Variants in MYRIP observed in about 807,000 individuals in gnomAD.
MYRIP encodes myosin VIIA and Rab interacting protein, also known as rab effector MyRIP.
Under a neutral mutation model 98.0 loss-of-function variants are expected in MYRIP, and 49 were observed. That is an observed-to-expected ratio of 0.50 (90% confidence interval 0.40 to 0.63). The LOEUF is 0.63. Ranked by LOEUF, MYRIP falls within the 30% of genes least tolerant of loss-of-function variation. The pLI, the probability that MYRIP is intolerant of heterozygous loss-of-function variation, is 0.00. For missense variants in MYRIP, 1,004 were observed against 1,058.2 expected (o/e 0.95, Z 0.71); for synonymous variants, 404 against 409.5 (o/e 0.99, Z 0.16).
intron 3 of MYRIP, among the ~76,000 whole-genome samples, chr3:40,143,991 T>C (rs1333566821): frequency 6.6e-6 from 1 of 152,064 alleles, no homozygotes; most frequent in Non-Finnish European, 1.5e-5. Context: ...TGCTATAGAG[T>C]TTTGGTATAA....
At chr3:40,194,168 T>C (rs893793121) in intron 10 of MYRIP, among the ~76,000 whole-genome samples, 3 of 152,126 alleles carry the variant, frequency 2.0e-5, no homozygotes, top group African/African-American at 7.2e-5. Context: ...GGATTTTTTT[T>C]CCAATTTCTT....
intron 2 of MYRIP, among the ~76,000 whole-genome samples, chr3:39,999,812 G>A (rs1220067127): frequency 6.6e-6 from 1 of 152,102 alleles, no homozygotes; most frequent in Non-Finnish European, 1.5e-5. Flanking sequence ...TTAAGAAAAT[G>A]TGGGACATAT....
At chr3:39,910,681 A>T (rs1944000052) in intron 2 of MYRIP, among the ~76,000 whole-genome samples, 1 of 152,212 alleles carries the variant, frequency 6.6e-6, no homozygotes, top group African/African-American at 2.4e-5. Context: ...TTACATCTTA[A>T]ATATATTTTT....
chr3:39,889,349 A>G (rs1170365320), intron 1 of MYRIP, among the ~76,000 whole-genome samples: 1 of 152,198 alleles, frequency 6.6e-6, no homozygotes, highest in African/African-American at 2.4e-5. Flanking sequence ...TTATGCAGCC[A>G]TAAAAAATGA....
At chr3:39,904,644 G>A (rs962808892) in intron 2 of MYRIP, among the ~76,000 whole-genome samples, 6 of 152,134 alleles carry the variant, frequency 3.9e-5, no homozygotes, top group Non-Finnish European at 8.8e-5. Flanking sequence ...AGTGGAGAAG[G>A]ACACTGGGGA....
intron 7 of MYRIP, among the ~76,000 whole-genome samples, chr3:40,169,438 C>T (rs1379961931): frequency 6.6e-6 from 1 of 152,178 alleles, no homozygotes; most frequent in Non-Finnish European, 1.5e-5. Context: ...TGCAAACGAG[C>T]TGGATTTGGA....
At chr3:39,826,117 T>TA (rs139256927) in intron 1 of MYRIP, among the ~76,000 whole-genome samples, 12,047 of 151,874 alleles carry the variant, frequency 0.079, 530 homozygotes, top group African/African-American at 0.12. Flanking sequence ...TATATTTTTT[T>TA]AAAAAAACAA....
chr3:40,152,456 T>G (rs1353820116), intron 4 of MYRIP, among the ~76,000 whole-genome samples: 2 of 152,166 alleles, frequency 1.3e-5, no homozygotes, highest in Admixed American at 1.3e-4. Flanking sequence ...TAGAGCAGAA[T>G]TTTTATTTCT....
At chr3:39,988,815 C>G (rs931471371) in intron 2 of MYRIP, among the ~76,000 whole-genome samples, 1 of 151,320 alleles carries the variant, frequency 6.6e-6, no homozygotes, top group Non-Finnish European at 1.5e-5. Context: ...GCTATTGATA[C>G]TTGTGTATGC....
chr3:40,190,782 C>A (rs1951188144), intron 10 of MYRIP, among the ~76,000 whole-genome samples: 1 of 152,184 alleles, frequency 6.6e-6, no homozygotes, highest in African/African-American at 2.4e-5. Context: ...CCAGCCGTGT[C>A]TATTTTAACA....
intron 11 of MYRIP, among the ~76,000 whole-genome samples, chr3:40,228,796 C>T (rs1952563126): frequency 6.6e-6 from 1 of 152,188 alleles, no homozygotes; most frequent in African/African-American, 2.4e-5. Flanking sequence ...CACACACAGC[C>T]AGAAGCTGAC....
intron 1 of MYRIP, among the ~76,000 whole-genome samples, chr3:39,839,941 T>C (rs1286884670): frequency 6.6e-6 from 1 of 152,190 alleles, no homozygotes; most frequent in African/African-American, 2.4e-5. Flanking sequence ...GAAAAATATA[T>C]ATTCTGTTGA....
chr3:39,875,472 G>C (rs1942960113), intron 1 of MYRIP, among the ~76,000 whole-genome samples: 1 of 151,546 alleles, frequency 6.6e-6, no homozygotes, highest in Admixed American at 6.6e-5. Context: ...TCTCTTGTGG[G>C]CATTTAGTGC....
chr3:39,871,178 T>G (rs938573861), intron 1 of MYRIP, among the ~76,000 whole-genome samples: 1 of 152,156 alleles, frequency 6.6e-6, no homozygotes, highest in African/African-American at 2.4e-5. Flanking sequence ...CAGATTGTAT[T>G]TAGAAAACCC....
At chr3:40,250,183 A>G in intron 13 of MYRIP, 39 bp from the exon 14 acceptor site, 3 of 1,516,752 alleles carry the variant, frequency 2.0e-6, no homozygotes, top group Non-Finnish European at 2.7e-6. Flanking sequence ...CCCCTTCCGT[A>G]TTTTCTCCCT....
At chr3:39,968,105 T>G (rs1158690387) in intron 2 of MYRIP, among the ~76,000 whole-genome samples, 1 of 152,228 alleles carries the variant, frequency 6.6e-6, no homozygotes, top group African/African-American at 2.4e-5. Context: ...TTTTTGCTTC[T>G]GCTGCAATTT....
At chr3:39,903,777 C>T (rs1943806506) in intron 2 of MYRIP, among the ~76,000 whole-genome samples, 1 of 152,232 alleles carries the variant, frequency 6.6e-6, no homozygotes, top group African/African-American at 2.4e-5. Flanking sequence ...CAGAATCACA[C>T]AGTTAATTGG....
At chr3:39,854,665 G>A (rs1291245291) in intron 1 of MYRIP, among the ~76,000 whole-genome samples, 1 of 152,100 alleles carries the variant, frequency 6.6e-6, no homozygotes, top group African/African-American at 2.4e-5. Flanking sequence ...TTCTTGGTTT[G>A]GATCCATTGC....
At chr3:40,121,782 T>C (rs972324956) in intron 3 of MYRIP, among the ~76,000 whole-genome samples, 1 of 152,146 alleles carries the variant, frequency 6.6e-6, no homozygotes, top group African/African-American at 2.4e-5. Context: ...AAAATAAAGA[T>C]TGATGCAAAA....
Sources: gnomAD v4.1 joint callset for allele counts (sites outside exome capture counted in the v4.1 genomes callset) on GRCh38, gnomAD v4.1.1 for gene constraint, MANE v1.5 for transcripts, NCBI Gene and HGNC (gene_info 2026-07-23, HGNC 2026-07-21) for gene names.